Variants in ADAMTS14 observed in about 807,000 individuals in gnomAD.
The protein encoded by ADAMTS14 is A disintegrin and metalloproteinase with thrombospondin motifs 14.
In ADAMTS14, 100 loss-of-function variants were observed where a neutral mutation model predicts 128.6. The ratio of observed to expected loss-of-function variants is 0.78; its 90% CI spans 0.66 to 0.92. The LOEUF (loss-of-function observed/expected upper bound fraction) is 0.92, where lower values mean the gene tolerates loss of function less well. Ranked by LOEUF, ADAMTS14 falls within the 40% of genes least tolerant of loss-of-function variation. The pLI is 0.00. For synonymous variants in ADAMTS14, 665 were observed against 653.8 expected (o/e 1.02, Z -0.26); for missense variants, 1,562 against 1,658.6 (o/e 0.94, Z 1.01).
chr10:70,762,273 T>G lies in ADAMTS14; in HGVS notation c.*1420T>G, dbSNP rs1177095872. The G allele has an allele frequency of 6.6e-6, 1 of 152,332 alleles. No individual in the cohort carries two copies. The highest frequency in any genetic ancestry group is 1.9e-4 in the East Asian group (1 of 5,192). The allele number at this position is 152,332 out of a possible 1,614,324, so 9.4% of individuals were successfully genotyped here. ...CAACCCCTTTGGAGAGTGGAGGTCC[T>G]GGGGGGCTCCCCGCCCTCCCCCTGT... On this transcript the variant is annotated 3_prime_UTR_variant, in exon 22 of 22. Transcript: ENST00000373207.
At chr10:70,697,822 T>C (rs17600495) in intron 2 of ADAMTS14, among the ~76,000 whole-genome samples, 25,457 of 152,262 alleles carry the variant, frequency 0.17, 2,654 homozygotes, top group Middle Eastern at 0.24. Flanking sequence ...CCTGTCAACA[T>C]GGCCTGGAGA....
At chr10:70,759,175 G>A (rs937916897) in intron 21 of ADAMTS14, among the ~76,000 whole-genome samples, 5 of 110,722 alleles carry the variant, frequency 4.5e-5, no homozygotes, top group African/African-American at 1.8e-4. Flanking sequence ...GAGTGCCTGG[G>A]TTTCCTGCCG....
rs1208601982 is a variant in ADAMTS14 at position 70,689,105 on chromosome 10, C to A, written c.523-13207C>A. Among the ~76,000 whole-genome samples the A allele has an allele frequency of 1.0e-4, 14 of 139,424 alleles. 1 individual carries two copies. The highest frequency in any genetic ancestry group is 3.3e-4 in the African/African-American group (13 of 39,928). The allele number at this position is 139,424 out of a possible 152,430, so 91.5% of individuals were successfully genotyped here. A position where few individuals can be genotyped will look rare whatever the true frequency, so the allele number is the denominator to read the frequency against. On this transcript the variant is annotated intron_variant, in intron 2 of 21. Coordinates refer to ENST00000373207, the MANE Select transcript of ADAMTS14 (RefSeq NM_080722.4). ...TTCCACAGCCTGGCCGACTGCTGGCCTGGGTGCATCGTGCCTTTGAGGCTT... is the reference window on the plus strand; with the variant it reads ...TTCCACAGCCTGGCCGACTGCTGGCATGGGTGCATCGTGCCTTTGAGGCTT...
At chr10:70,708,531 CACA>C in intron 3 of ADAMTS14, 54 bp from the exon 4 acceptor site, 1 of 1,501,880 alleles carries the variant, frequency 6.7e-7, no homozygotes, top group East Asian at 2.3e-5. Context: ...TGGGCAATGT[CACA>C]GTGACAGCCC....
chr10:70,759,503 G>A (rs1481090367), intron 21 of ADAMTS14, among the ~76,000 whole-genome samples: 1 of 152,178 alleles, frequency 6.6e-6, no homozygotes, highest in Non-Finnish European at 1.5e-5. Flanking sequence ...TCTTTGCCAG[G>A]TGCTTTAAAG....
rs569016551 is a variant in ADAMTS14, at chr10:70,762,232, G to T, written c.*1379G>T. 9 of 152,620 alleles carry T rather than the reference G, an allele frequency of 5.9e-5. No homozygotes were observed. The highest frequency in any genetic ancestry group is 2.2e-4 in the African/African-American group (9 of 41,580). 9.5% of individuals were successfully genotyped at this position (152,620 alleles called of 1,614,324 possible). A position where few individuals can be genotyped will look rare whatever the true frequency, so the allele number is the denominator to read the frequency against. The stretch of plus-strand genomic sequence containing the variant: ...GAGCCAGCCTGGAGGAACATGAGTA[G>T]TGGGCCCCTGGCCTGCAACCCCTTT... On this transcript the variant is annotated 3_prime_UTR_variant, in exon 22 of 22. Coordinates refer to ENST00000373207, the MANE Select transcript of ADAMTS14 (RefSeq NM_080722.4).
At chr10:70,674,105 G>T (rs1187010420) in intron 1 of ADAMTS14, among the ~76,000 whole-genome samples, 1 of 152,114 alleles carries the variant, frequency 6.6e-6, no homozygotes, top group South Asian at 2.1e-4. Context: ...TGTTTTGCCA[G>T]CTGCGTTCTT....
chr10:70,730,343 G>C, intron 6 of ADAMTS14, 94 bp downstream of exon 6: 1 of 1,483,896 alleles, frequency 6.7e-7, no homozygotes, highest in Non-Finnish European at 9.0e-7. Context: ...CTCTTCTGGG[G>C]CCCACCACAT....
chr10:70,718,735 G>A (rs1433847341), intron 4 of ADAMTS14, among the ~76,000 whole-genome samples: 1 of 151,266 alleles, frequency 6.6e-6, no homozygotes, highest in South Asian at 2.1e-4. Flanking sequence ...AGGCAGGAGC[G>A]CAGTGGTGCA....
chr10:70,747,879 TGTGCATGCAC>T (rs371144834), intron 15 of ADAMTS14, among the ~76,000 whole-genome samples: 40 of 152,212 alleles, frequency 2.6e-4, no homozygotes, highest in Middle Eastern at 3.4e-3. Flanking sequence ...TGTGTGAGTG[TGTGCATGCAC>T]GTGCATGCAC....
intron 4 of ADAMTS14, among the ~76,000 whole-genome samples, chr10:70,716,601 G>A (rs932710161): frequency 5.9e-5 from 9 of 152,172 alleles, no homozygotes; most frequent in African/African-American, 1.9e-4. Flanking sequence ...CTTGACGCTC[G>A]AATTGCCTTA....
At chr10:70,702,591 G>C (rs146234423) in intron 3 of ADAMTS14, 123 bp downstream of exon 3, 1 of 1,286,212 alleles carries the variant, frequency 7.8e-7, no homozygotes, top group African/African-American at 1.5e-5. Context: ...AATGGGACTG[G>C]GCCACATAGA....
chr10:70,735,220 C>A lies in ADAMTS14; in HGVS notation c.1404C>A (p.Pro468=). 1.2e-6 allele frequency: 2 copies of A among 1,614,000 alleles called. No individual in the cohort carries two copies. The highest frequency in any genetic ancestry group is 1.7e-6 in the Non-Finnish European group (2 of 1,179,954). ...DDPFDPAWPQ[P]PELPGINYSM... ...CCTTTGATCCTGCCTGGCCCCAGCC[C>A]CCAGAGCTGCCTGGGATCAACTACT... is the stretch of plus-strand genomic sequence containing the variant. Residue 468 remains proline, a synonymous_variant, in exon 9 of 22, where the codon CCC becomes CCA. Coordinates refer to ENST00000373207, the MANE Select transcript of ADAMTS14 (RefSeq NM_080722.4).
At chr10:70,702,920 T>C (rs996079551) in intron 3 of ADAMTS14, among the ~76,000 whole-genome samples, 7 of 152,314 alleles carry the variant, frequency 4.6e-5, no homozygotes, top group Non-Finnish European at 1.0e-4. Context: ...TTTACAACCC[T>C]ACCTTCAAGT....
chr10:70,704,583 AAC>A (rs905294667), intron 3 of ADAMTS14, among the ~76,000 whole-genome samples: 3 of 149,630 alleles, frequency 2.0e-5, no homozygotes, highest in Non-Finnish European at 4.5e-5. Flanking sequence ...CACTGATGCA[AAC>A]ACACGCTCAC....
intron 4 of ADAMTS14, 105 bp downstream of exon 4, chr10:70,708,883 G>A: frequency 1.1e-6 from 1 of 948,096 alleles, no homozygotes; most frequent in Non-Finnish European, 1.5e-6. Flanking sequence ...TCTGGGGCCT[G>A]GTATTTTTTA....
Position 70,674,537 on chromosome 10 carries a change from CTT to C in ADAMTS14, c.83-17_83-16del. On this transcript the variant is annotated splice_polypyrimidine_tract_variant and intron_variant, in intron 1 of 21. Transcript: ENST00000373207. ...CTGAACCGACTGCATTGAAGTGACT[CTT>C]TGTTTACCTCCAACAGAGCTGCACC... The C allele has an allele frequency of 6.2e-7, 1 of 1,600,536 alleles. No individual in the cohort carries two copies. Among genetic ancestry groups the C allele is most frequent in the Non-Finnish European group, 8.5e-7 (1 of 1,171,208 alleles).
At position 70,741,065 on chromosome 10, in the gene ADAMTS14, C is replaced by T. The variant is rs1432658226; in HGVS notation, c.1827C>T (p.Thr609=). 1 of 1,614,028 alleles carries T rather than the reference C, an allele frequency of 6.2e-7. No homozygotes were observed. The highest frequency in any genetic ancestry group is 8.5e-7 in the Non-Finnish European group (1 of 1,180,006). ...GCAACAGCGAGGAGTGCCCTGGGAC[C>T]TACGAGGACTTCCGGGCCCAGCAGT... is the stretch of plus-strand genomic sequence containing the variant. The part of the protein sequence containing the change: ...QVCNSEECPG[T]YEDFRAQQCA... The change falls in exon 12 of 22, where the codon ACC becomes ACT. Residue 609 remains threonine, a synonymous_variant. Coordinates refer to ENST00000373207, the MANE Select transcript of ADAMTS14 (RefSeq NM_080722.4).
chr10:70,701,761 C>T (rs940033846), intron 2 of ADAMTS14, among the ~76,000 whole-genome samples: 8 of 152,178 alleles, frequency 5.3e-5, no homozygotes, highest in Non-Finnish European at 7.3e-5. Flanking sequence ...CCCTCCTCCC[C>T]GGCCTCCAAC....
Sources: allele counts gnomAD v4.1 joint callset (sites outside exome capture counted in the v4.1 genomes callset), GRCh38; gene constraint gnomAD v4.1.1; transcripts MANE v1.5; gene names NCBI Gene and HGNC (gene_info 2026-07-23, HGNC 2026-07-21).